RTL4: variants seen among roughly 807,000 people sequenced by gnomAD.
RTL4 encodes the protein retrotransposon Gag-like protein 4.
Under a neutral mutation model 5.3 loss-of-function variants are expected in RTL4, and 4 were observed. That is an observed-to-expected ratio of 0.75 (90% CI 0.37 to 1.72). The LOEUF is 1.72. Ranked by LOEUF, RTL4 falls within the 40% of genes most tolerant of loss-of-function variation. RTL4 has a pLI of 0.04. For missense variants in RTL4, 260 were observed against 227.1 expected, an observed-to-expected ratio of 1.14 and a Z score of -0.93; for synonymous variants, 98 against 87.3, an observed-to-expected ratio of 1.12 and a Z score of -0.68.
the RTL4 span, among the ~76,000 whole-genome samples, chrX:112,161,647 A>G: frequency 1.1e-4 from 12 of 111,538 alleles, no homozygotes; most frequent in Admixed American, 2.9e-4. Flanking sequence ...CAGACAGGCA[A>G]CAGCCCAAAC....
the RTL4 span, among the ~76,000 whole-genome samples, chrX:112,204,893 A>C: frequency 1.8e-5 from 2 of 111,663 alleles, no homozygotes; most frequent in African/African-American, 6.5e-5. Flanking sequence ...TTTACATCGC[A>C]TGCCTGGATT....
At chrX:112,413,031 A>G in the RTL4 span, among the ~76,000 whole-genome samples, 1 of 112,146 alleles carries the variant, frequency 8.9e-6, no homozygotes, top group Non-Finnish European at 1.9e-5. Flanking sequence ...ATAATCATAT[A>G]AAAATGGGCA....
the RTL4 span, among the ~76,000 whole-genome samples, chrX:112,445,121 T>C: frequency 1.3e-4 from 14 of 111,407 alleles, no homozygotes; most frequent in African/African-American, 4.6e-4. Flanking sequence ...AGGGGTCATT[T>C]TGAGTCTATT....
the RTL4 span, among the ~76,000 whole-genome samples, chrX:112,184,899 A>T: frequency 9.0e-6 from 1 of 111,535 alleles, no homozygotes; most frequent in Non-Finnish European, 1.9e-5. Flanking sequence ...TTTTCTTTTG[A>T]GACTGCAAAT....
chrX:112,196,426 G>GAAT, the RTL4 span, among the ~76,000 whole-genome samples: 1 of 112,086 alleles, frequency 8.9e-6, no homozygotes, highest in South Asian at 3.7e-4. Flanking sequence ...TAGCTATCAT[G>GAAT]AATAAAGCTG....
the RTL4 span, among the ~76,000 whole-genome samples, chrX:112,306,483 C>A: frequency 9.0e-6 from 1 of 111,502 alleles, no homozygotes; most frequent in Admixed American, 9.6e-5. Flanking sequence ...GAAAACGAAG[C>A]CTTGGAGAGA....
the RTL4 span, among the ~76,000 whole-genome samples, chrX:112,328,959 A>G: frequency 8.9e-6 from 1 of 111,951 alleles, no homozygotes; most frequent in African/African-American, 3.3e-5. Flanking sequence ...TTTGAAACCA[A>G]TGAGAACAAA....
At chrX:112,166,097 G>A in the RTL4 span, among the ~76,000 whole-genome samples, 4 of 111,972 alleles carry the variant, frequency 3.6e-5, no homozygotes, top group African/African-American at 1.3e-4. Context: ...CTTGACAAAG[G>A]TGCTGATTAG....
At chrX:112,409,382 C>T in the RTL4 span, among the ~76,000 whole-genome samples, 3,217 of 111,339 alleles carry the variant, frequency 0.029, 44 homozygotes, top group East Asian at 0.037. Context: ...TTGCAAGCCT[C>T]ATGGTAACCT....
At chrX:112,389,988 T>C in the RTL4 span, among the ~76,000 whole-genome samples, 67 of 99,553 alleles carry the variant, frequency 6.7e-4, no homozygotes, top group South Asian at 1.9e-3. Flanking sequence ...CTGTCTAATA[T>C]TGTCAGTGAA....
chrX:112,093,441 G>A, the RTL4 span, among the ~76,000 whole-genome samples: 1 of 111,178 alleles, frequency 9.0e-6, no homozygotes. Flanking sequence ...TCACTGACCA[G>A]CCAACATTCA....
At chrX:112,425,871 A>T in the RTL4 span, among the ~76,000 whole-genome samples, 1 of 111,259 alleles carries the variant, frequency 9.0e-6, no homozygotes, top group Non-Finnish European at 1.9e-5. Flanking sequence ...ATTTTTCCCA[A>T]TCTTCAGCTT....
At chrX:112,113,043 A>G in the RTL4 span, among the ~76,000 whole-genome samples, 2 of 111,756 alleles carry the variant, frequency 1.8e-5, no homozygotes, top group African/African-American at 6.5e-5. Context: ...TACTCCTAGA[A>G]TTGGGGTGTT....
At chrX:112,167,093 A>T in the RTL4 span, among the ~76,000 whole-genome samples, 1 of 111,655 alleles carries the variant, frequency 9.0e-6, no homozygotes, top group Non-Finnish European at 1.9e-5. Flanking sequence ...TCCTTAAAGC[A>T]AAAAATGGAC....
the RTL4 span, among the ~76,000 whole-genome samples, chrX:112,322,865 C>G: frequency 4.5e-5 from 5 of 111,733 alleles, no homozygotes; most frequent in African/African-American, 1.6e-4. Flanking sequence ...TCTAGGATAA[C>G]AGCAGTATAT....
the RTL4 span, among the ~76,000 whole-genome samples, chrX:112,109,026 G>T: frequency 9.0e-6 from 1 of 110,932 alleles, no homozygotes; most frequent in Non-Finnish European, 1.9e-5. Flanking sequence ...TTCAGGCTGT[G>T]CTGCCTGGGG....
chrX:112,251,397 G>T, the RTL4 span, among the ~76,000 whole-genome samples: 1 of 111,052 alleles, frequency 9.0e-6, no homozygotes, highest in African/African-American at 3.3e-5. Flanking sequence ...CAGTGGTCAG[G>T]TATAGAAACA....
At chrX:112,393,170 T>G in the RTL4 span, among the ~76,000 whole-genome samples, 250 of 99,226 alleles carry the variant, frequency 2.5e-3, 6 homozygotes, top group South Asian at 4.3e-3. Flanking sequence ...TGTTTTTTTT[T>G]TTTGTTTGTT....
At chrX:112,085,524 C>T in the RTL4 span, among the ~76,000 whole-genome samples, 3 of 111,598 alleles carry the variant, frequency 2.7e-5, no homozygotes, top group Admixed American at 2.8e-4. Context: ...TTCTCAACCT[C>T]GATGCTATTG....
Sources: gnomAD v4.1 joint callset for allele counts (sites outside exome capture counted in the v4.1 genomes callset) on GRCh38, gnomAD v4.1.1 for gene constraint, MANE v1.5 for transcripts, NCBI Gene and HGNC (gene_info 2026-07-23, HGNC 2026-07-21) for gene names.